The following SPATS2L variants were observed in gnomAD, a reference collection of about 807,000 sequenced individuals.
SPATS2L encodes the protein SPATS2-like protein.
SPATS2L carries 30 observed loss-of-function variants against 59.6 expected under a neutral mutation model. The observed-to-expected ratio is 0.50, with a 90% confidence interval of 0.38 to 0.68. SPATS2L has a LOEUF of 0.68. Ranked by LOEUF, SPATS2L falls within the 30% of genes least tolerant of loss-of-function variation. The probability of loss-of-function intolerance (pLI) is 0.00; values close to 1 mark genes in which losing one functional copy is unlikely to be tolerated. For missense variants in SPATS2L, 615 were observed against 700.0 expected, an observed-to-expected ratio of 0.88 and a Z score of 1.37; for synonymous variants, 252 against 263.5, an observed-to-expected ratio of 0.96 and a Z score of 0.42.
intron 1 of SPATS2L, among the ~76,000 whole-genome samples, chr2:200,327,254 A>T (rs993513949): frequency 6.6e-6 from 1 of 151,874 alleles, no homozygotes; most frequent in Non-Finnish European, 1.5e-5. Context: ...AAATACCAAA[A>T]TTAGCCCAGT....
Position 200,359,201 on chromosome 2 carries a change from C to T in SPATS2L, c.-23+29721C>T, listed in dbSNP as rs533602061. 7.2e-5 allele frequency among the ~76,000 whole-genome samples: 11 copies of T among 152,200 alleles called. No homozygotes were observed. In the South Asian group the frequency reaches 2.3e-3, roughly 32 times the overall value. On this transcript the variant is annotated intron_variant, in intron 2 of 12. Coordinates refer to ENST00000409140, the MANE Select transcript of SPATS2L (RefSeq NM_001100423.2). Reference sequence around the variant, plus strand: ...GAGTATTTGGTTTCTTCTCTTTCTTCCTCCATATTTTACTGAGGCTTGATC... The same window carrying T: ...GAGTATTTGGTTTCTTCTCTTTCTTTCTCCATATTTTACTGAGGCTTGATC...
At chr2:200,390,806 A>G (rs1399987606) in intron 3 of SPATS2L, 3 of 151,958 alleles carry the variant, frequency 2.0e-5, no homozygotes, top group East Asian at 3.9e-4. Context: ...CTTCACTAAC[A>G]TCTAAATGAA....
upstream of SPATS2L, chr2:200,306,401 C>T: frequency 1.0e-6 from 1 of 1,002,088 alleles, no homozygotes; most frequent in Non-Finnish European, 1.2e-6. Context: ...GGAAGTCGGT[C>T]TGGAGCAAGC....
chr2:200,436,726 C>T (rs1010048342), intron 6 of SPATS2L, among the ~76,000 whole-genome samples: 2 of 152,130 alleles, frequency 1.3e-5, no homozygotes, highest in Admixed American at 6.6e-5. Context: ...TAGTATAAAT[C>T]CCCTTATTTT....
At chr2:200,400,366 C>A (rs1159720184) in intron 3 of SPATS2L, among the ~76,000 whole-genome samples, 1 of 152,048 alleles carries the variant, frequency 6.6e-6, no homozygotes, top group Non-Finnish European at 1.5e-5. Flanking sequence ...TGAGAAGAAT[C>A]AAGAGCAATT....
chr2:200,477,715 G>C lies in SPATS2L; in HGVS notation c.1361G>C (p.Gly454Ala). The change falls in exon 13 of 13, where the codon GGC becomes GCC. Residue 454 changes from glycine to alanine, a missense_variant. Gly to Ala is a moderately conservative substitution (Grantham distance 60). This residue lies in a region of SPATS2L where 284 missense variants were observed against 280.1 expected (regional missense o/e 1.01). Coordinates refer to ENST00000409140, the MANE Select transcript of SPATS2L (RefSeq NM_001100423.2). ...NRLNGPAKSQ[G>A]SGNEAEPLGK... ...CTAAATGGGCCTGCCAAGTCGCAGG[G>C]CAGTGGGAATGAAGCCGAGCCACTG... The C allele has an allele frequency of 1.3e-6, 2 of 1,565,578 alleles. No individual in the cohort carries two copies. The highest frequency in any genetic ancestry group is 2.4e-5 in the South Asian group (2 of 85,084).
At chr2:200,308,562 A>T (rs1050666122) in intron 1 of SPATS2L, among the ~76,000 whole-genome samples, 2 of 152,206 alleles carry the variant, frequency 1.3e-5, no homozygotes, top group South Asian at 2.1e-4. Context: ...AACAGAAAAC[A>T]TGTCAAATCT....
intron 2 of SPATS2L, chr2:200,383,863 C>A (rs2081905308): frequency 1.2e-5 from 12 of 998,616 alleles, no homozygotes; most frequent in Non-Finnish European, 1.1e-5. Context: ...TTTCTTAAAT[C>A]CAGTTCAAGC....
At chr2:200,401,015 G>T (rs534263988) in intron 3 of SPATS2L, among the ~76,000 whole-genome samples, 4 of 152,166 alleles carry the variant, frequency 2.6e-5, no homozygotes, top group Non-Finnish European at 5.9e-5. Flanking sequence ...GTAGCTGGTT[G>T]ATCAGTATAG....
chr2:200,308,912 T>G (rs2079109580), intron 1 of SPATS2L: 4 of 627,296 alleles, frequency 6.4e-6, no homozygotes, highest in Non-Finnish European at 8.7e-6. Flanking sequence ...AAGTCTTCAG[T>G]AAATAGTTTT....
intron 8 of SPATS2L, among the ~76,000 whole-genome samples, chr2:200,442,442 G>T (rs1055020163): frequency 3.3e-5 from 5 of 152,144 alleles, no homozygotes; most frequent in Admixed American, 3.3e-4. Context: ...CTCAAAGGCA[G>T]CCCTAGATAA....
chr2:200,316,666 C>T (rs1394021111), intron 1 of SPATS2L, among the ~76,000 whole-genome samples: 2 of 152,110 alleles, frequency 1.3e-5, no homozygotes, highest in Non-Finnish European at 2.9e-5. Flanking sequence ...TCCTGCATTC[C>T]CAAGTCCTGG....
chr2:200,349,430 A>C (rs2080639412), intron 2 of SPATS2L, among the ~76,000 whole-genome samples: 1 of 152,220 alleles, frequency 6.6e-6, no homozygotes, highest in African/African-American at 2.4e-5. Flanking sequence ...GAGGTCAAGA[A>C]TTTGAGACAA....
rs1228665089 is a variant in SPATS2L, at chr2:200,478,134, G to A, written c.*103G>A. 2.4e-5 allele frequency: 26 copies of A among 1,080,614 alleles called. No individual in the cohort carries two copies. Among genetic ancestry groups the A allele is most frequent in the South Asian group, 1.1e-4 (6 of 54,088 alleles). The allele number at this position is 1,080,614 out of a possible 1,614,324, so 66.9% of individuals were successfully genotyped here. A position where few individuals can be genotyped will look rare whatever the true frequency, so the allele number is the denominator to read the frequency against. On this transcript the variant is annotated 3_prime_UTR_variant, in exon 13 of 13. Transcript: ENST00000409140. ...GTGTCAATCAGAATATACAAATCCC[G>A]TATGGTTGTGTCATCCTCTCTTAAT...
At chr2:200,372,172 G>A (rs2081447174) in intron 2 of SPATS2L, 1 of 985,382 alleles carries the variant, frequency 1.0e-6, no homozygotes, top group Non-Finnish European at 1.2e-6. Context: ...GGAAACTCGG[G>A]AAAAGACTGC....
rs34439081 is a variant in SPATS2L, at chr2:200,358,595, CT to C, written c.-23+29127del. On this transcript the variant is annotated intron_variant, in intron 2 of 12. Coordinates refer to ENST00000409140, the MANE Select transcript of SPATS2L (RefSeq NM_001100423.2). ...TACATACACACAAAGGTGATATTTC[CT>C]TTTTTTTTTTTAAGGCAGAGTGCCA... Among the ~76,000 whole-genome samples, 128 of 147,938 alleles carry C rather than the reference CT, an allele frequency of 8.7e-4. 1 individual carries two copies. Among genetic ancestry groups the C allele is most frequent in the Admixed American group, 2.1e-3 (31 of 14,956 alleles).
At chr2:200,370,293 C>A (rs2081388301) in intron 2 of SPATS2L, among the ~76,000 whole-genome samples, 1 of 151,994 alleles carries the variant, frequency 6.6e-6, no homozygotes, top group Admixed American at 6.6e-5. Flanking sequence ...TTTTCCTGTT[C>A]AATAGAATAA....
intron 6 of SPATS2L, among the ~76,000 whole-genome samples, chr2:200,426,562 T>TA (rs1416574121): frequency 6.6e-6 from 1 of 151,902 alleles, no homozygotes; most frequent in East Asian, 1.9e-4. Flanking sequence ...GAGTTGGCTC[T>TA]AAAAAAACTT....
At chr2:200,331,173 G>A (rs1254257175) in intron 2 of SPATS2L, among the ~76,000 whole-genome samples, 4 of 152,160 alleles carry the variant, frequency 2.6e-5, no homozygotes, top group South Asian at 2.1e-4. Flanking sequence ...ATTATGAAGA[G>A]GCCTGTCCCA....
Sources: allele counts gnomAD v4.1 joint callset (sites outside exome capture counted in the v4.1 genomes callset), GRCh38; gene constraint gnomAD v4.1.1; regional missense constraint gnomAD v4.1.1; transcripts MANE v1.5; gene names NCBI Gene and HGNC (gene_info 2026-07-23, HGNC 2026-07-21).